LAMA3: variants seen among roughly 807,000 people sequenced by gnomAD.
LAMA3 encodes the protein laminin subunit alpha 3.
In LAMA3, 281 loss-of-function variants were observed where a neutral mutation model predicts 402.0. The observed-to-expected ratio is 0.70, with a 90% confidence interval of 0.63 to 0.77. The LOEUF is 0.77. Among genes scored for constraint, LAMA3 ranks in the 30% least tolerant of loss-of-function variants. The pLI is 0.00. For synonymous variants in LAMA3, 1,431 were observed against 1,558.4 expected (o/e 0.92, Z 1.93); for missense variants, 3,840 against 4,215.5 (o/e 0.91, Z 2.47).
chr18:23,895,927 C>T (rs1288720877), intron 44 of LAMA3, among the ~76,000 whole-genome samples: 2 of 152,164 alleles, frequency 1.3e-5, no homozygotes, highest in African/African-American at 4.8e-5. Flanking sequence ...AGTTTTATCA[C>T]TAAGCACTGC....
In LAMA3 at chr18:23,699,024, T is replaced by TAGAGAGAG. The variant is rs34691495; in HGVS notation, c.294+9071_294+9078dup. On this transcript the variant is annotated intron_variant, in intron 1 of 74. Transcript: ENST00000313654. ...AGTTTGGGAGGCTGAGGCGGGCAGA[T>TAGAGAGAG]AGAGAGAGAGAGAGAGAGAGAGAGA... 6.4e-3 allele frequency among the ~76,000 whole-genome samples: 918 copies of TAGAGAGAG among 142,546 alleles called. 13 individuals are homozygous for TAGAGAGAG. Among genetic ancestry groups the TAGAGAGAG allele is most frequent in the African/African-American group, 0.023 (856 of 37,240 alleles). 93.5% of individuals were successfully genotyped at this position (142,546 alleles called of 152,430 possible). A position where few individuals can be genotyped will look rare whatever the true frequency, so the allele number is the denominator to read the frequency against.
Position 23,918,541 on chromosome 18 carries a change from A to G in LAMA3, c.7923+1846A>G, listed in dbSNP as rs2081718681. Reference sequence around the variant, plus strand: ...AGACACTGAAGCTTCTCTGTTTTCAAGTAGCTGAGATTCCTAGGGACCCTC... The same window carrying G: ...AGACACTGAAGCTTCTCTGTTTTCAGGTAGCTGAGATTCCTAGGGACCCTC... On this transcript the variant is annotated intron_variant, in intron 60 of 74. Transcript: ENST00000313654. This position sits in a 1 kb window ranked among gnomAD's most constrained non-coding sequence, Gnocchi z 4.1. 6.6e-6 allele frequency among the ~76,000 whole-genome samples: 1 copy of G among 152,172 alleles called. No individual in the cohort carries two copies. The highest frequency in any genetic ancestry group is 1.5e-5 in the Non-Finnish European group (1 of 68,036).
chr18:23,730,051 T>C (rs571503450), intron 2 of LAMA3, among the ~76,000 whole-genome samples: 3 of 152,304 alleles, frequency 2.0e-5, no homozygotes, highest in Admixed American at 1.3e-4. Context: ...CCCGGAATAG[T>C]TGTGCTTCTT....
chr18:23,732,619 C>G (rs1274677178), intron 2 of LAMA3, among the ~76,000 whole-genome samples: 1 of 152,072 alleles, frequency 6.6e-6, no homozygotes, highest in Non-Finnish European at 1.5e-5. Context: ...CAAACTCCCT[C>G]GCATTGGCTC....
intron 55 of LAMA3, among the ~76,000 whole-genome samples, chr18:23,910,139 C>T (rs1384010654): frequency 1.3e-5 from 2 of 152,204 alleles, no homozygotes; most frequent in African/African-American, 2.4e-5. Flanking sequence ...AGCTTTTACC[C>T]TTCTGTGTTC....
chr18:23,895,192 G>A (rs2080838728), intron 44 of LAMA3, 134 bp downstream of exon 44: 4 of 1,011,118 alleles, frequency 4.0e-6, no homozygotes, highest in Non-Finnish European at 4.5e-6. Context: ...TCCAAATGAA[G>A]ATAAGACTTT....
chr18:23,826,735 G>A lies in LAMA3; in HGVS notation c.2605G>A (p.Glu869Lys). 6.4e-7 allele frequency: 1 copy of A among 1,564,800 alleles called. No homozygotes were observed. The highest frequency in any genetic ancestry group is 8.7e-7 in the Non-Finnish European group (1 of 1,153,148). The change falls in exon 22 of 75, where the codon GAA becomes AAA. Residue 869 changes from glutamate to lysine, a missense_variant. Glu to Lys is a moderately conservative substitution (Grantham distance 56, BLOSUM62 1). Transcript: ENST00000313654. ...GGTGCTGCTCCCCAGGGACTACTAT[G>A]AAGCCTCTGTACTGCAGCTGCCAGT... ...YLVLLPRDYYEASVLQLPVTE... is the reference protein window; with the variant it reads ...YLVLLPRDYYKASVLQLPVTE...
chr18:23,899,179 C>T, intron 46 of LAMA3, 109 bp from the exon 47 acceptor site: 1 of 1,255,676 alleles, frequency 8.0e-7, no homozygotes, highest in Non-Finnish European at 1.1e-6. Flanking sequence ...CATAGTGATA[C>T]TAAAAAACTA....
At chr18:23,837,891 C>T (rs1330710142) in intron 25 of LAMA3, among the ~76,000 whole-genome samples, 1 of 152,030 alleles carries the variant, frequency 6.6e-6, no homozygotes, top group East Asian at 1.9e-4. Context: ...TTGGAGCCTG[C>T]TCTTAAGAAG....
In LAMA3 at chr18:23,867,936, T is replaced by C. The variant is rs776104726; in HGVS notation, c.4767+19T>C. Reference sequence around the variant, plus strand: ...GGTCGAGGTAAAGGAAGAGCAACCATAGGATGGTCCTTTCTGTTTTGTGAC... The same window carrying C: ...GGTCGAGGTAAAGGAAGAGCAACCACAGGATGGTCCTTTCTGTTTTGTGAC... On this transcript the variant is annotated intron_variant, in intron 37 of 74. Coordinates refer to ENST00000313654, the MANE Select transcript of LAMA3 (RefSeq NM_198129.4). 1.5e-5 allele frequency: 24 copies of C among 1,593,252 alleles called. No homozygotes were observed. The highest frequency in any genetic ancestry group is 6.7e-5 in the East Asian group (3 of 44,772).
intron 52 of LAMA3, 46 bp from the exon 53 acceptor site, chr18:23,907,504 C>G: frequency 1.5e-6 from 2 of 1,360,924 alleles, no homozygotes; most frequent in South Asian, 1.2e-5. Flanking sequence ...AATGGAGGAT[C>G]AAAATGCACA....
At chr18:23,934,975 A>G (rs1483007373) in intron 67 of LAMA3, among the ~76,000 whole-genome samples, 1 of 152,254 alleles carries the variant, frequency 6.6e-6, no homozygotes, top group African/African-American at 2.4e-5. Flanking sequence ...TAAATCCAGA[A>G]GGGCTGTCAT....
intron 62 of LAMA3, among the ~76,000 whole-genome samples, chr18:23,924,298 T>C (rs1187972251): frequency 1.3e-5 from 2 of 151,706 alleles, no homozygotes; most frequent in Non-Finnish European, 2.9e-5. Flanking sequence ...ATTACAGGCA[T>C]GTGTCACCAT....
intron 2 of LAMA3, among the ~76,000 whole-genome samples, chr18:23,718,329 G>A (rs578010327): frequency 5.4e-4 from 83 of 152,294 alleles, no homozygotes; most frequent in African/African-American, 1.8e-3. Flanking sequence ...AAAACATGAG[G>A]AGGTGGGTGC....
chr18:23,827,878 G>C (rs1000430717), intron 23 of LAMA3, among the ~76,000 whole-genome samples: 1 of 152,104 alleles, frequency 6.6e-6, no homozygotes, highest in Non-Finnish European at 1.5e-5. Context: ...AACCCCTTAG[G>C]CTAAGCAATT....
chr18:23,915,004 A>G (rs1342747044), intron 58 of LAMA3, 144 bp downstream of exon 58: 8 of 761,190 alleles, frequency 1.1e-5, no homozygotes, highest in African/African-American at 1.0e-4. Context: ...ACTAGCTAAC[A>G]CTTATTGAGT....
chr18:23,791,868 ACTT>A (rs140309651), intron 12 of LAMA3, among the ~76,000 whole-genome samples: 2,684 of 152,248 alleles, frequency 0.018, 29 homozygotes, highest in Non-Finnish European at 0.026. Flanking sequence ...GGTAAAGAAA[ACTT>A]CTTGAATTTA....
At chr18:23,855,974 C>A (rs1275521672) in intron 32 of LAMA3, among the ~76,000 whole-genome samples, 1 of 152,172 alleles carries the variant, frequency 6.6e-6, no homozygotes, top group African/African-American at 2.4e-5. Context: ...GCCCATGTCA[C>A]AGCTAGAATA....
intron 1 of LAMA3, among the ~76,000 whole-genome samples, chr18:23,708,655 T>A (rs1380767792): frequency 6.6e-6 from 1 of 152,200 alleles, no homozygotes; most frequent in Non-Finnish European, 1.5e-5. Context: ...AATGACTTTT[T>A]TATTTTAATG....
Sources: allele counts gnomAD v4.1 joint callset (sites outside exome capture counted in the v4.1 genomes callset), GRCh38; gene constraint gnomAD v4.1.1; non-coding constraint Gnocchi (gnomAD v3.1); transcripts MANE v1.5; gene names NCBI Gene and HGNC (gene_info 2026-07-23, HGNC 2026-07-21).